The following HSF2BP variants were observed in gnomAD, a reference collection of about 807,000 sequenced individuals.
The protein encoded by HSF2BP is heat shock transcription factor 2 binding protein.
HSF2BP carries 35 observed loss-of-function variants against 35.0 expected under a neutral mutation model. The ratio of observed to expected loss-of-function variants is 1.00; its 90% confidence interval spans 0.76 to 1.32. The LOEUF is 1.32. Ranked by LOEUF, HSF2BP falls within the 40% of genes most tolerant of loss-of-function variation. The pLI, the probability that HSF2BP is intolerant of heterozygous loss-of-function variation, is 0.00. For synonymous variants in HSF2BP, 114 were observed against 117.4 expected, an observed-to-expected ratio of 0.97 and a Z score of 0.18; for missense variants, 326 against 321.7, an observed-to-expected ratio of 1.01 and a Z score of -0.10.
intron 7 of HSF2BP, among the ~76,000 whole-genome samples, chr21:43,595,817 T>C (rs12626757): frequency 0.69 from 97,474 of 142,044 alleles, 33,532 homozygotes; most frequent in East Asian, 0.8. Context: ...CTCCGCCTCC[T>C]GGGTTCAAGT....
intron 6 of HSF2BP, among the ~76,000 whole-genome samples, chr21:43,619,617 TCCA>T (rs1042145066): frequency 6.6e-6 from 1 of 152,230 alleles, no homozygotes; most frequent in East Asian, 1.9e-4. Flanking sequence ...GAGGAAAATT[TCCA>T]CAACTCAGTT....
At chr21:43,575,002 C>A (rs1421751532) in intron 8 of HSF2BP, among the ~76,000 whole-genome samples, 1 of 152,222 alleles carries the variant, frequency 6.6e-6, no homozygotes, top group African/African-American at 2.4e-5. Context: ...CGCATGCGCA[C>A]AGGCAACCAG....
At chr21:43,580,560 T>C (rs549227677) in intron 8 of HSF2BP, among the ~76,000 whole-genome samples, 1 of 152,368 alleles carries the variant, frequency 6.6e-6, no homozygotes, top group African/African-American at 2.4e-5. Context: ...TTTGTTCTAT[T>C]GGACATTCTG....
chr21:43,575,995 G>C (rs941336751), intron 8 of HSF2BP, among the ~76,000 whole-genome samples: 4 of 151,996 alleles, frequency 2.6e-5, no homozygotes, highest in Admixed American at 2.0e-4. Flanking sequence ...GCGTGCGCCT[G>C]TAGTCCCAGC....
In HSF2BP at chr21:43,659,472, G is replaced by A. The variant is rs2082935111; in HGVS notation, c.-311C>T. 4.8e-6 allele frequency: 2 copies of A among 415,170 alleles called. No homozygotes were observed. Among genetic ancestry groups the A allele is most frequent in the Non-Finnish European group, 3.6e-6 (1 of 279,628 alleles). The allele number at this position is 415,170 out of a possible 1,614,324, so 25.7% of individuals were successfully genotyped here. On this transcript the variant is annotated 5_prime_UTR_variant, in exon 1 of 9. Transcript: ENST00000291560. The surrounding 1 kb of genome is among the most constrained non-coding windows in gnomAD (Gnocchi z 4.2). ...GGCTGGGCCGCTCCGCCAGCTGCCA[G>A]GGCCACTGCCGCGCTCACTCCCAGA...
intron 8 of HSF2BP, among the ~76,000 whole-genome samples, chr21:43,574,491 G>A (rs1340498266): frequency 1.3e-5 from 2 of 152,060 alleles, no homozygotes; most frequent in Non-Finnish European, 2.9e-5. Flanking sequence ...CCAAGTAGCT[G>A]GGACTACAGG....
chr21:43,614,991 G>A lies in HSF2BP; in HGVS notation c.575-1044C>T, dbSNP rs1251079438. On this transcript the variant is annotated intron_variant, in intron 6 of 8. Coordinates refer to ENST00000291560, the MANE Select transcript of HSF2BP (RefSeq NM_007031.2). ...CATTTCTTCATGCCTGAGGCCCTGCGAATCGGCCTGAAGACCAGACCGAGT... is the reference window on the plus strand; with the variant it reads ...CATTTCTTCATGCCTGAGGCCCTGCAAATCGGCCTGAAGACCAGACCGAGT... Among the ~76,000 whole-genome samples, 7 of 152,192 alleles carry A rather than the reference G, an allele frequency of 4.6e-5. No individual in the cohort carries two copies. The South Asian group carries it at 8.3e-4, about 18-fold the overall frequency.
chr21:43,616,136 C>G (rs2082268062), intron 6 of HSF2BP, among the ~76,000 whole-genome samples: 2 of 152,160 alleles, frequency 1.3e-5, no homozygotes, highest in South Asian at 4.1e-4. Context: ...TGGGCCTGGC[C>G]TCATGTTCAG....
intron 2 of HSF2BP, among the ~76,000 whole-genome samples, chr21:43,657,273 A>C (rs1347635935): frequency 6.6e-6 from 1 of 152,224 alleles, no homozygotes; most frequent in Non-Finnish European, 1.5e-5. Context: ...CACGGGAAGA[A>C]GGCTTGAGCT....
At chr21:43,631,993 A>ACC (rs1568927958) in intron 5 of HSF2BP, among the ~76,000 whole-genome samples, 1 of 75,714 alleles carries the variant, frequency 1.3e-5, no homozygotes, top group Non-Finnish European at 2.4e-5. Context: ...CCACACACAC[A>ACC]CTCCCACACA....
chr21:43,645,456 A>G (rs916466204), intron 3 of HSF2BP, among the ~76,000 whole-genome samples: 1 of 152,246 alleles, frequency 6.6e-6, no homozygotes. Flanking sequence ...TGAACATGCA[A>G]CACATGACCA....
intron 5 of HSF2BP, among the ~76,000 whole-genome samples, chr21:43,631,328 G>T (rs971798508): frequency 6.6e-6 from 1 of 151,940 alleles, no homozygotes; most frequent in Non-Finnish European, 1.5e-5. Flanking sequence ...GTCAAACACC[G>T]ATCTTTTTTG....
intron 8 of HSF2BP, among the ~76,000 whole-genome samples, chr21:43,580,469 G>A (rs1047158149): frequency 6.6e-6 from 1 of 152,154 alleles, no homozygotes; most frequent in Non-Finnish European, 1.5e-5. Flanking sequence ...TTTACATTAT[G>A]TTTCTTGTTA....
At chr21:43,607,998 A>T (rs1441382373) in intron 7 of HSF2BP, among the ~76,000 whole-genome samples, 1 of 152,240 alleles carries the variant, frequency 6.6e-6, no homozygotes, top group East Asian at 1.9e-4. Flanking sequence ...AAAGTCCTAG[A>T]ACAAAATCTA....
At chr21:43,648,217 G>A (rs781306135) in intron 3 of HSF2BP, among the ~76,000 whole-genome samples, 8 of 152,148 alleles carry the variant, frequency 5.3e-5, no homozygotes, top group Non-Finnish European at 8.8e-5. Flanking sequence ...CCAAGAGGCA[G>A]ATGTGAAGAC....
chr21:43,656,832 G>T, intron 2 of HSF2BP, 95 bp from the exon 3 acceptor site: 1 of 989,236 alleles, frequency 1.0e-6, no homozygotes, highest in Non-Finnish European at 1.5e-6. Context: ...CCTCTTATGT[G>T]CATCGTTGTT....
chr21:43,581,609 C>A (rs1167324356), intron 8 of HSF2BP, among the ~76,000 whole-genome samples: 1 of 152,148 alleles, frequency 6.6e-6, no homozygotes, highest in Non-Finnish European at 1.5e-5. Context: ...AACACGGCCA[C>A]AGGCAGCTCT....
At position 43,659,406 on chromosome 21, in the gene HSF2BP, T is replaced by G; in HGVS notation, c.-245A>C. Reference sequence around the variant, plus strand: ...CTAACCTCGCCGTCTACAGCCTGAATTTTGGCAACCGAAAGGCAGCGCCGG... The same window carrying G: ...CTAACCTCGCCGTCTACAGCCTGAAGTTTGGCAACCGAAAGGCAGCGCCGG... On this transcript the variant is annotated 5_prime_UTR_variant, in exon 1 of 9. Transcript: ENST00000291560. The surrounding 1 kb of genome is among the most constrained non-coding windows in gnomAD (Gnocchi z 4.2). The G allele has an allele frequency of 4.8e-6, 1 of 207,750 alleles. No individual in the cohort carries two copies. The highest frequency in any genetic ancestry group is 1.1e-4 in the East Asian group (1 of 8,696). The allele number at this position is 207,750 out of a possible 1,614,324, so 12.9% of individuals were successfully genotyped here.
intron 7 of HSF2BP, among the ~76,000 whole-genome samples, chr21:43,604,356 ACACACCACACAGCACG>A (rs2082090755): frequency 7.2e-6 from 1 of 138,612 alleles, no homozygotes; most frequent in African/African-American, 2.8e-5. Context: ...CACACCACAC[ACACACCACACAGCACG>A]CACACCACAC....
Sources: allele counts gnomAD v4.1 joint callset (sites outside exome capture counted in the v4.1 genomes callset), GRCh38; gene constraint gnomAD v4.1.1; non-coding constraint Gnocchi (gnomAD v3.1); transcripts MANE v1.5; gene names NCBI Gene and HGNC (gene_info 2026-07-23, HGNC 2026-07-21).